The following PTPRT variants were observed in gnomAD, a reference collection of about 807,000 sequenced individuals.
PTPRT encodes the protein protein tyrosine phosphatase receptor type T, also known as receptor-type tyrosine-protein phosphatase T.
In PTPRT, 56 loss-of-function variants were observed where a neutral mutation model predicts 176.8. The ratio of observed to expected loss-of-function variants is 0.32; its 90% CI spans 0.26 to 0.40. The LOEUF (loss-of-function observed/expected upper bound fraction) is 0.40, where lower values mean the gene tolerates loss of function less well. Ranked by LOEUF, PTPRT falls within the 10% of genes least tolerant of loss-of-function variation. The probability of loss-of-function intolerance (pLI) is 1.00; values close to 1 mark genes in which losing one functional copy is unlikely to be tolerated. For synonymous variants in PTPRT, 783 were observed against 739.0 expected, an observed-to-expected ratio of 1.06 and a Z score of -0.96; for missense variants, 1,540 against 1,908.2, an observed-to-expected ratio of 0.81 and a Z score of 3.60.
intron 7 of PTPRT, among the ~76,000 whole-genome samples, chr20:42,608,774 T>C (rs1452436209): frequency 6.6e-6 from 1 of 152,170 alleles, no homozygotes; most frequent in African/African-American, 2.4e-5. Flanking sequence ...TCTCACCGCA[T>C]ACAGAGTGAG....
chr20:42,183,183 A>T (rs1990595715), intron 16 of PTPRT, among the ~76,000 whole-genome samples: 1 of 152,102 alleles, frequency 6.6e-6, no homozygotes, highest in Non-Finnish European at 1.5e-5. Flanking sequence ...TCGAGACCCC[A>T]GTTCCTGCTT....
chr20:42,507,419 G>C (rs550877755), intron 7 of PTPRT, among the ~76,000 whole-genome samples: 1 of 152,072 alleles, frequency 6.6e-6, no homozygotes, highest in Non-Finnish European at 1.5e-5. Flanking sequence ...CAAGAAGGGA[G>C]AAGCCTTCTT....
intron 9 of PTPRT, among the ~76,000 whole-genome samples, chr20:42,431,319 T>C (rs73121666): frequency 3.0e-4 from 45 of 152,286 alleles, no homozygotes; most frequent in Non-Finnish European, 5.7e-4. Flanking sequence ...TCCACCATGA[T>C]GCAATGCCAC....
chr20:42,302,992 C>T (rs1479151640), intron 12 of PTPRT, among the ~76,000 whole-genome samples: 1 of 152,156 alleles, frequency 6.6e-6, no homozygotes, highest in African/African-American at 2.4e-5. Flanking sequence ...CATTCCTCAA[C>T]AATAGGACTT....
intron 1 of PTPRT, among the ~76,000 whole-genome samples, chr20:42,937,228 T>C (rs1378820003): frequency 2.0e-5 from 3 of 152,224 alleles, no homozygotes; most frequent in African/African-American, 7.2e-5. Context: ...CCAGGCACTA[T>C]CCAACGCACT....
At chr20:42,857,365 T>A (rs1054301683) in intron 2 of PTPRT, among the ~76,000 whole-genome samples, 1 of 152,226 alleles carries the variant, frequency 6.6e-6, no homozygotes, top group Admixed American at 6.5e-5. Context: ...GCTCTGCTCC[T>A]TAGAGCTAGA....
At chr20:42,700,855 T>C (rs1338964505) in intron 6 of PTPRT, among the ~76,000 whole-genome samples, 1 of 152,000 alleles carries the variant, frequency 6.6e-6, no homozygotes, top group Non-Finnish European at 1.5e-5. Flanking sequence ...TAAAGTAAAA[T>C]AAAAATCAAT....
chr20:42,737,912 C>T (rs920808981), intron 6 of PTPRT, among the ~76,000 whole-genome samples: 2 of 152,186 alleles, frequency 1.3e-5, no homozygotes, highest in Non-Finnish European at 2.9e-5. Context: ...TACTTAGCCC[C>T]ACCTTGCAGG....
At chr20:42,406,369 T>C (rs1057451198) in intron 9 of PTPRT, among the ~76,000 whole-genome samples, 2 of 151,870 alleles carry the variant, frequency 1.3e-5, no homozygotes, top group Admixed American at 6.6e-5. Flanking sequence ...AGACAAGATA[T>C]TAAATTTTAA....
chr20:42,097,916 G>A (rs904735268), intron 27 of PTPRT, among the ~76,000 whole-genome samples: 4 of 152,236 alleles, frequency 2.6e-5, no homozygotes, highest in African/African-American at 9.6e-5. Context: ...CAGGAAGCCT[G>A]CCGGGGAACA....
chr20:42,553,154 T>C (rs1433563177), intron 7 of PTPRT, among the ~76,000 whole-genome samples: 1 of 152,164 alleles, frequency 6.6e-6, no homozygotes, highest in African/African-American at 2.4e-5. Flanking sequence ...AATGGTATAA[T>C]AATGGAAAAT....
chr20:42,099,591 C>A (rs541817819), intron 26 of PTPRT, among the ~76,000 whole-genome samples: 22 of 137,060 alleles, frequency 1.6e-4, no homozygotes, highest in African/African-American at 5.9e-4. Context: ...ATCCAGGGCC[C>A]TATTTATTTT....
chr20:43,110,832 T>C (rs2012826518), intron 1 of PTPRT, among the ~76,000 whole-genome samples: 1 of 152,092 alleles, frequency 6.6e-6, no homozygotes, highest in Non-Finnish European at 1.5e-5. Context: ...GAGACACCTG[T>C]ATTTTCATGT....
At chr20:42,244,197 T>C (rs1320707726) in intron 14 of PTPRT, among the ~76,000 whole-genome samples, 1 of 152,218 alleles carries the variant, frequency 6.6e-6, no homozygotes, top group Non-Finnish European at 1.5e-5. Flanking sequence ...TAAACAGGAC[T>C]AAAAATTTGG....
At chr20:42,781,294 C>G (rs1181373680) in intron 3 of PTPRT, among the ~76,000 whole-genome samples, 1 of 152,138 alleles carries the variant, frequency 6.6e-6, no homozygotes, top group East Asian at 1.9e-4. Flanking sequence ...CATTTGCCTT[C>G]TCCAATCCTG....
intron 7 of PTPRT, among the ~76,000 whole-genome samples, chr20:42,574,191 A>T (rs2073215290): frequency 6.6e-6 from 1 of 152,180 alleles, no homozygotes; most frequent in Non-Finnish European, 1.5e-5. Context: ...TATTTTATTT[A>T]AAACACTCAG....
At chr20:42,747,583 C>T (rs2076708925) in intron 6 of PTPRT, among the ~76,000 whole-genome samples, 1 of 152,114 alleles carries the variant, frequency 6.6e-6, no homozygotes, top group Non-Finnish European at 1.5e-5. Context: ...GGGGGCCTCT[C>T]TGAGAAGCTG....
chr20:42,612,746 C>T (rs1459270419), intron 7 of PTPRT, among the ~76,000 whole-genome samples: 6 of 151,670 alleles, frequency 4.0e-5, no homozygotes, highest in Non-Finnish European at 7.4e-5. Context: ...AAAATATACA[C>T]TGAATCATCT....
intron 7 of PTPRT, among the ~76,000 whole-genome samples, chr20:42,666,268 ATGAG>A (rs1176107604): frequency 3.3e-5 from 5 of 152,142 alleles, no homozygotes; most frequent in Admixed American, 2.6e-4. Flanking sequence ...CTCTATATGT[ATGAG>A]TTTCTTTTAA....
Sources: gnomAD v4.1 joint callset for allele counts (sites outside exome capture counted in the v4.1 genomes callset) on GRCh38, gnomAD v4.1.1 for gene constraint, MANE v1.5 for transcripts, NCBI Gene and HGNC (gene_info 2026-07-23, HGNC 2026-07-21) for gene names.